KLF17: variants seen among roughly 807,000 people sequenced by gnomAD.
KLF17 encodes the protein Krueppel-like factor 17.
In KLF17, 31 loss-of-function variants were observed where a neutral mutation model predicts 34.2. The observed-to-expected ratio is 0.91, with a 90% CI of 0.68 to 1.22. The LOEUF (loss-of-function observed/expected upper bound fraction) is 1.22. Among genes scored for constraint, KLF17 ranks in the 50% most tolerant of loss-of-function variants. The pLI is 0.00. For synonymous variants in KLF17, 179 were observed against 186.7 expected, an observed-to-expected ratio of 0.96 and a Z score of 0.34; for missense variants, 478 against 505.2, an observed-to-expected ratio of 0.95 and a Z score of 0.52.
rs939602082 is a variant in KLF17 at position 44,134,591 on chromosome 1, C to T, written c.*1354C>T. On this transcript the variant is annotated 3_prime_UTR_variant, in exon 4 of 4. Transcript: ENST00000372299. The stretch of plus-strand genomic sequence containing the variant: ...ATTTTGAATCCTGCCTCTGCCATTT[C>T]CTGGCTATGAGGTGTCTTGAGAAAT... 6.6e-6 allele frequency: 1 copy of T among 152,184 alleles called. No homozygotes were observed. Among genetic ancestry groups the T allele is most frequent in the Non-Finnish European group, 1.5e-5 (1 of 68,034 alleles). The allele number at this position is 152,184 out of a possible 1,614,324, so 9.4% of individuals were successfully genotyped here.
chr1:44,115,819 G>A (rs1180518026), upstream of KLF17: 21 of 152,144 alleles, frequency 1.4e-4, no homozygotes, highest in Non-Finnish European at 7.4e-5. Context: ...ACAGGTAGAT[G>A]TGAAAATGAT....
At chr1:44,070,141 T>A in the KLF17 span, among the ~76,000 whole-genome samples, 1 of 152,196 alleles carries the variant, frequency 6.6e-6, no homozygotes, top group African/African-American at 2.4e-5. Flanking sequence ...TCCATTATTT[T>A]AAAAAGTCCC....
At chr1:44,058,284 T>TTCTTTG in the KLF17 span, among the ~76,000 whole-genome samples, 2 of 152,264 alleles carry the variant, frequency 1.3e-5, no homozygotes, top group African/African-American at 4.8e-5. Flanking sequence ...CCATCGCCTT[T>TTCTTTG]TTTTTGTTTT....
At chr1:44,099,870 A>AAAG in the KLF17 span, among the ~76,000 whole-genome samples, 2 of 65,532 alleles carry the variant, frequency 3.1e-5, no homozygotes, top group African/African-American at 9.3e-5. Context: ...AGAAAGAAAG[A>AAAG]AAGAAAGAAA....
the KLF17 span, among the ~76,000 whole-genome samples, chr1:44,085,810 A>C: frequency 7.3e-6 from 1 of 136,196 alleles, no homozygotes; most frequent in Non-Finnish European, 1.6e-5. Flanking sequence ...GTCTCAACAA[A>C]AAAAAAAAAA....
chr1:44,055,995 C>T, the KLF17 span, among the ~76,000 whole-genome samples: 211 of 152,262 alleles, frequency 1.4e-3, no homozygotes, highest in African/African-American at 5.0e-3. Flanking sequence ...AGTAAGGATG[C>T]TTTCTTTTAT....
chr1:44,117,788 C>A (rs2087897439), upstream of KLF17, among the ~76,000 whole-genome samples: 1 of 152,190 alleles, frequency 6.6e-6, no homozygotes, highest in South Asian at 2.1e-4. Flanking sequence ...AACCACTGCG[C>A]CCAGCCTCAT....
At chr1:44,052,981 A>G in the KLF17 span, among the ~76,000 whole-genome samples, 1 of 151,484 alleles carries the variant, frequency 6.6e-6, no homozygotes, top group South Asian at 2.1e-4. Flanking sequence ...ACTTGCCACA[A>G]CCTCTGCCTC....
At chr1:44,117,198 A>G (rs1431017837), upstream of KLF17, 2 of 152,042 alleles carry the variant, frequency 1.3e-5, no homozygotes, top group African/African-American at 4.8e-5. Flanking sequence ...GACCTACTCT[A>G]TTTCTGACCT....
the KLF17 span, among the ~76,000 whole-genome samples, chr1:44,096,404 C>CCT: frequency 3.5e-4 from 50 of 144,402 alleles, no homozygotes; most frequent in East Asian, 9.5e-3. Context: ...ATTTATTTTT[C>CCT]TTTTTTTTTT....
chr1:44,130,370 G>A (rs751643161), intron 2 of KLF17, 142 bp from the exon 3 acceptor site: 19 of 1,364,164 alleles, frequency 1.4e-5, no homozygotes, highest in East Asian at 2.3e-5. Context: ...TGACTGGGGC[G>A]GGCACTCCTG....
the KLF17 span, among the ~76,000 whole-genome samples, chr1:44,054,478 CT>C: frequency 0.025 from 2,525 of 100,138 alleles, 75 homozygotes; most frequent in African/African-American, 0.093. Context: ...ATCAGTGTGC[CT>C]TTTTTTTTTT....
At chr1:44,094,447 T>C in the KLF17 span, among the ~76,000 whole-genome samples, 1 of 152,186 alleles carries the variant, frequency 6.6e-6, no homozygotes, top group Non-Finnish European at 1.5e-5. Context: ...GTTTCTCCAA[T>C]GTTTTCTTTT....
Position 44,130,593 on chromosome 1 carries a change from T to C in KLF17, c.1007T>C (p.Val336Ala), listed in dbSNP as rs1255619127. 3 of 1,614,054 alleles carry C rather than the reference T, an allele frequency of 1.9e-6. No individual in the cohort carries two copies. The highest frequency in any genetic ancestry group is 1.6e-4 in the Middle Eastern group (1 of 6,062). Residue 336 changes from valine to alanine, a missense_variant, in exon 3 of 4, where the codon GTA becomes GCA. Transcript: ENST00000372299. Reference sequence around the variant, plus strand: ...GATGAGCTTAGACGACATATGCGGGTACACACCAGATATCGACCATATAAA... The same window carrying C: ...GATGAGCTTAGACGACATATGCGGGCACACACCAGATATCGACCATATAAA... ...RSDELRRHMR[V>A]HTRYRPYKCD...
At chr1:44,103,366 A>G in the KLF17 span, 1 of 751,664 alleles carries the variant, frequency 1.3e-6, no homozygotes, top group Non-Finnish European at 2.4e-6. Context: ...TTCCCGTTGC[A>G]GGTCTGGATC....
the KLF17 span, among the ~76,000 whole-genome samples, chr1:44,044,239 A>G: frequency 6.6e-6 from 1 of 152,236 alleles, no homozygotes; most frequent in African/African-American, 2.4e-5. Flanking sequence ...AATGGGTCAC[A>G]CAAGTCTCAA....
At chr1:44,073,150 A>G in the KLF17 span, among the ~76,000 whole-genome samples, 4 of 152,036 alleles carry the variant, frequency 2.6e-5, no homozygotes, top group Admixed American at 6.6e-5. Context: ...AGGTACAGTA[A>G]GATGGGTGTG....
chr1:44,133,210 C>A (rs1257158483), intron 3 of KLF17, 28 bp from the exon 4 acceptor site: 1 of 152,168 alleles, frequency 6.6e-6, no homozygotes, highest in Non-Finnish European at 1.5e-5. Context: ...ACCTAGTAAT[C>A]CCTCAAATTT....
At chr1:44,118,607 G>T (rs1325524498), upstream of KLF17, among the ~76,000 whole-genome samples, 1 of 152,178 alleles carries the variant, frequency 6.6e-6, no homozygotes, top group Non-Finnish European at 1.5e-5. Context: ...ACTGAGGGGT[G>T]GAATGGGTCG....
Sources: allele counts gnomAD v4.1 joint callset (sites outside exome capture counted in the v4.1 genomes callset), GRCh38; gene constraint gnomAD v4.1.1; transcripts MANE v1.5; gene names NCBI Gene and HGNC (gene_info 2026-07-23, HGNC 2026-07-21).